The following ERC2 variants were observed in gnomAD, a reference collection of about 807,000 sequenced individuals.
The protein encoded by ERC2 is ERC protein 2.
In ERC2, 42 loss-of-function variants were observed where a neutral mutation model predicts 114.8. That is an observed-to-expected ratio of 0.37 (90% confidence interval 0.29 to 0.47). The LOEUF (loss-of-function observed/expected upper bound fraction) is 0.47. ERC2 is among the 20% of genes least tolerant of loss of function. The probability of loss-of-function intolerance (pLI) is 0.99; values close to 1 mark genes in which losing one functional copy is unlikely to be tolerated. For synonymous variants in ERC2, 454 were observed against 425.5 expected (o/e 1.07, Z -0.82); for missense variants, 939 against 1,150.7 (o/e 0.82, Z 2.66).
At chr3:55,714,878 T>C (rs1027336033) in intron 15 of ERC2, among the ~76,000 whole-genome samples, 7 of 151,476 alleles carry the variant, frequency 4.6e-5, no homozygotes, top group African/African-American at 1.7e-4. Context: ...CTGCTCCCTA[T>C]ACAAAAATGC....
chr3:55,990,862 G>T (rs1002574767), intron 11 of ERC2, among the ~76,000 whole-genome samples: 10 of 152,296 alleles, frequency 6.6e-5, no homozygotes, highest in Admixed American at 1.3e-4. Context: ...AAAGGCTAAG[G>T]ACAGATGATT....
intron 3 of ERC2, among the ~76,000 whole-genome samples, chr3:56,269,345 C>A (rs1043447835): frequency 1.3e-5 from 2 of 152,150 alleles, no homozygotes; most frequent in African/African-American, 4.8e-5. Flanking sequence ...TCACTGGCAC[C>A]ACAACTATCT....
intron 6 of ERC2, among the ~76,000 whole-genome samples, chr3:56,130,063 CA>C (rs1228440902): frequency 2.0e-5 from 3 of 152,102 alleles, no homozygotes. Context: ...ATTTGAGTTG[CA>C]GTAACAATAT....
chr3:55,710,189 A>G (rs979019420), intron 15 of ERC2, among the ~76,000 whole-genome samples: 1 of 151,338 alleles, frequency 6.6e-6, no homozygotes, highest in Admixed American at 6.6e-5. Context: ...GGAGTCACAT[A>G]CTCCACTCAG....
chr3:55,999,848 T>A (rs1359357106), intron 10 of ERC2, among the ~76,000 whole-genome samples: 1 of 151,572 alleles, frequency 6.6e-6, no homozygotes. Flanking sequence ...ATCAACAATT[T>A]TGTGTTTTAA....
At chr3:56,032,913 A>AAGAAAGAGAGAGAGACAGAC in intron 7 of ERC2, among the ~76,000 whole-genome samples, 1 of 68,638 alleles carries the variant, frequency 1.5e-5, no homozygotes, top group Non-Finnish European at 3.3e-5. Flanking sequence ...GAAAGAAAGA[A>AAGAAAGAGAGAGAGACAGAC]AGAAAGAAAG....
intron 14 of ERC2, among the ~76,000 whole-genome samples, chr3:55,831,636 G>C (rs1431766594): frequency 6.6e-6 from 1 of 152,164 alleles, no homozygotes; most frequent in Admixed American, 6.5e-5. Flanking sequence ...CAGCCAAGAT[G>C]GCCGAATAGG....
chr3:55,640,670 A>G (rs887989223), intron 17 of ERC2, among the ~76,000 whole-genome samples: 5 of 152,126 alleles, frequency 3.3e-5, no homozygotes, highest in African/African-American at 1.2e-4. Context: ...GGGACAGAAG[A>G]CCATATGAGA....
chr3:56,345,653 C>T (rs146408551), intron 2 of ERC2, among the ~76,000 whole-genome samples: 24 of 152,212 alleles, frequency 1.6e-4, no homozygotes, highest in African/African-American at 3.1e-4. Flanking sequence ...AAGAAAAGTG[C>T]GCAGAAACTA....
chr3:56,098,777 C>T (rs143450385), intron 6 of ERC2, among the ~76,000 whole-genome samples: 54 of 152,294 alleles, frequency 3.5e-4, no homozygotes, highest in African/African-American at 1.3e-3. Context: ...CTTCTAGACA[C>T]ACAAGTTTGG....
intron 6 of ERC2, among the ~76,000 whole-genome samples, chr3:56,125,247 G>T (rs2079804321): frequency 6.6e-6 from 1 of 152,046 alleles, no homozygotes; most frequent in African/African-American, 2.4e-5. Context: ...AGGATTCCTT[G>T]AATCAGGCTT....
chr3:55,898,599 G>A (rs1280284454), intron 13 of ERC2, among the ~76,000 whole-genome samples: 1 of 152,070 alleles, frequency 6.6e-6, no homozygotes, highest in African/African-American at 2.4e-5. Flanking sequence ...CAACATGCTT[G>A]GCACACAGTA....
chr3:56,407,978 C>G (rs1439808752), intron 2 of ERC2, among the ~76,000 whole-genome samples: 3 of 152,192 alleles, frequency 2.0e-5, no homozygotes, highest in African/African-American at 4.8e-5. Flanking sequence ...CAACCAGTGT[C>G]CCTAGCACAA....
intron 3 of ERC2, among the ~76,000 whole-genome samples, chr3:56,215,896 C>G (rs1237908957): frequency 8.6e-5 from 13 of 152,038 alleles, no homozygotes; most frequent in East Asian, 5.8e-4. Flanking sequence ...AATGACTACT[C>G]GGTACATAAC....
chr3:56,334,010 T>C (rs983749704), intron 2 of ERC2, among the ~76,000 whole-genome samples: 1 of 152,224 alleles, frequency 6.6e-6, no homozygotes, highest in Non-Finnish European at 1.5e-5. Context: ...TTTACCACAG[T>C]GCCTGACACA....
intron 17 of ERC2, among the ~76,000 whole-genome samples, chr3:55,544,407 C>A (rs2054603043): frequency 1.3e-5 from 2 of 152,124 alleles, no homozygotes; most frequent in Admixed American, 1.3e-4. Flanking sequence ...TTACCTCCCA[C>A]CCCCAGCTCT....
chr3:56,341,086 G>A (rs1285720176), intron 2 of ERC2, among the ~76,000 whole-genome samples: 4 of 152,140 alleles, frequency 2.6e-5, no homozygotes, highest in Admixed American at 2.6e-4. Flanking sequence ...ATGAGTCGGT[G>A]TAAATCTTTA....
chr3:55,819,796 T>G (rs902453025), intron 14 of ERC2, among the ~76,000 whole-genome samples: 29 of 152,340 alleles, frequency 1.9e-4, no homozygotes, highest in Non-Finnish European at 3.7e-4. Flanking sequence ...CCCCGTTTGA[T>G]GTCCAAAGGG....
rs116822874 is a variant in ERC2 at position 56,436,711 on chromosome 3, C to T, written c.-140-1564G>A. Among the ~76,000 whole-genome samples, 1,287 of 152,254 alleles carry T rather than the reference C, an allele frequency of 8.5e-3. 18 individuals are homozygous for T. Among genetic ancestry groups the T allele is most frequent in the African/African-American group, 0.029 (1,202 of 41,548 alleles). ...GATGGGCATGTGACCCACATTGGTCCAACAAGACTCCATACTAGGACTCTA... is the reference window on the plus strand; with the variant it reads ...GATGGGCATGTGACCCACATTGGTCTAACAAGACTCCATACTAGGACTCTA... On this transcript the variant is annotated intron_variant, in intron 1 of 17. Coordinates refer to ENST00000288221, the MANE Select transcript of ERC2 (RefSeq NM_015576.3).
Sources: gnomAD v4.1 joint callset for allele counts (sites outside exome capture counted in the v4.1 genomes callset) on GRCh38, gnomAD v4.1.1 for gene constraint, MANE v1.5 for transcripts, NCBI Gene and HGNC (gene_info 2026-07-23, HGNC 2026-07-21) for gene names.